VWC2L: variants seen among roughly 807,000 people sequenced by gnomAD.
VWC2L encodes von Willebrand factor C domain containing 2 like.
Under a neutral mutation model 21.6 loss-of-function variants are expected in VWC2L, and 10 were observed. That is an observed-to-expected ratio of 0.46 (90% confidence interval 0.29 to 0.78). VWC2L has a LOEUF of 0.78. Ranked by LOEUF, VWC2L falls within the 30% of genes least tolerant of loss-of-function variation. VWC2L has a pLI of 0.10. For synonymous variants in VWC2L, 96 were observed against 94.3 expected, an observed-to-expected ratio of 1.02 and a Z score of -0.10; for missense variants, 209 against 277.1, an observed-to-expected ratio of 0.75 and a Z score of 1.74.
intron 3 of VWC2L, among the ~76,000 whole-genome samples, chr2:214,461,781 T>TGGCAGTGGCGGCAGTGGC (rs998074645): frequency 1.3e-5 from 2 of 152,068 alleles, no homozygotes; most frequent in African/African-American, 4.8e-5. Flanking sequence ...TAGGAGGTAA[T>TGGCAGTGGCGGCAGTGGC]GGCAGTGGCG....
At chr2:214,534,977 A>G (rs1006134896) in intron 3 of VWC2L, among the ~76,000 whole-genome samples, 10 of 152,200 alleles carry the variant, frequency 6.6e-5, no homozygotes, top group African/African-American at 2.2e-4. Context: ...GGACTGCCTG[A>G]CCCATTCAGT....
intron 3 of VWC2L, among the ~76,000 whole-genome samples, chr2:214,560,908 T>C (rs972795860): frequency 9.9e-5 from 15 of 152,192 alleles, no homozygotes; most frequent in African/African-American, 2.9e-4. Flanking sequence ...TTGCTCAGAA[T>C]TTCTCCTCAG....
At chr2:214,450,736 T>C (rs1484268417) in intron 3 of VWC2L, among the ~76,000 whole-genome samples, 2 of 152,048 alleles carry the variant, frequency 1.3e-5, no homozygotes, top group Admixed American at 1.3e-4. Flanking sequence ...GAGAGTGGGA[T>C]GGAAAAAGGT....
chr2:214,490,348 A>G (rs1455030026), intron 3 of VWC2L, among the ~76,000 whole-genome samples: 1 of 151,514 alleles, frequency 6.6e-6, no homozygotes, highest in Non-Finnish European at 1.5e-5. Context: ...GGTCCCAATT[A>G]CAAATTTCTA....
At chr2:214,544,567 C>T (rs1368182168) in intron 3 of VWC2L, among the ~76,000 whole-genome samples, 1 of 152,116 alleles carries the variant, frequency 6.6e-6, no homozygotes, top group Non-Finnish European at 1.5e-5. Flanking sequence ...ATGCCATCCT[C>T]ATTATAGGAT....
chr2:214,440,712 T>C (rs1702753747), intron 3 of VWC2L, among the ~76,000 whole-genome samples: 1 of 152,166 alleles, frequency 6.6e-6, no homozygotes, highest in South Asian at 2.1e-4. Flanking sequence ...CTGCAGCCAC[T>C]CATTCCATTC....
chr2:214,414,058 G>A (rs1702316567), intron 1 of VWC2L, 56 bp from the exon 2 acceptor site: 2 of 1,001,470 alleles, frequency 2.0e-6, no homozygotes, highest in East Asian at 2.7e-5. Flanking sequence ...GGGCTTAAAT[G>A]AATCTATCTT....
chr2:214,554,190 C>T (rs1689839375), intron 3 of VWC2L, among the ~76,000 whole-genome samples: 1 of 152,158 alleles, frequency 6.6e-6, no homozygotes, highest in African/African-American at 2.4e-5. Context: ...TCAGTTAAGT[C>T]CCCTGTACAT....
intron 3 of VWC2L, among the ~76,000 whole-genome samples, chr2:214,468,392 C>A (rs1703256604): frequency 6.6e-6 from 1 of 152,208 alleles, no homozygotes; most frequent in Admixed American, 6.5e-5. Flanking sequence ...GTTCCAAATA[C>A]CTAGTAAATT....
intron 3 of VWC2L, among the ~76,000 whole-genome samples, chr2:214,492,894 G>T (rs933383027): frequency 2.0e-5 from 3 of 152,152 alleles, no homozygotes; most frequent in African/African-American, 7.2e-5. Context: ...ATGTGAGTTT[G>T]CTGGGGCTTT....
chr2:214,521,234 G>GATAAATAAATAA (rs72394017), intron 3 of VWC2L, among the ~76,000 whole-genome samples: 2 of 140,526 alleles, frequency 1.4e-5, no homozygotes, highest in African/African-American at 5.3e-5. Context: ...CCATCTCAAA[G>GATAAATAAATAA]ATAAATAAAT....
intron 3 of VWC2L, among the ~76,000 whole-genome samples, chr2:214,553,740 C>G (rs1244077468): frequency 2.0e-5 from 3 of 152,140 alleles, no homozygotes; most frequent in Non-Finnish European, 4.4e-5. Context: ...TGAGGCATGT[C>G]TAGACTCCCC....
intron 3 of VWC2L, among the ~76,000 whole-genome samples, chr2:214,441,555 T>C (rs559644321): frequency 3.9e-5 from 6 of 152,198 alleles, no homozygotes; most frequent in South Asian, 4.1e-4. Context: ...GAAAATGTTA[T>C]AAACTTTTTA....
At chr2:214,436,837 C>A (rs1702685979) in intron 3 of VWC2L, 79 bp downstream of exon 3, 13 of 1,527,690 alleles carry the variant, frequency 8.5e-6, no homozygotes, top group Non-Finnish European at 1.2e-5. Context: ...CCATTCAATG[C>A]AAGACCCCTC....
chr2:214,474,889 C>A (rs1248159922), intron 3 of VWC2L, among the ~76,000 whole-genome samples: 1 of 152,154 alleles, frequency 6.6e-6, no homozygotes, highest in Non-Finnish European at 1.5e-5. Flanking sequence ...CTTCTCCCAG[C>A]TTCCCAGTCT....
At chr2:214,559,240 C>T (rs1404564127) in intron 3 of VWC2L, among the ~76,000 whole-genome samples, 1 of 152,044 alleles carries the variant, frequency 6.6e-6, no homozygotes, top group South Asian at 2.1e-4. Flanking sequence ...TGAAAAAATG[C>T]TCATCATCAC....
intron 2 of VWC2L, among the ~76,000 whole-genome samples, chr2:214,433,183 T>TATATATATATATATATATA (rs1278271015): frequency 8.8e-6 from 1 of 114,076 alleles, no homozygotes; most frequent in African/African-American, 3.1e-5. Context: ...TATATATATA[T>TATATATATATATATATATA]TATATATAAA....
intron 3 of VWC2L, among the ~76,000 whole-genome samples, chr2:214,458,488 T>C (rs1485419791): frequency 6.6e-6 from 1 of 152,116 alleles, no homozygotes; most frequent in Non-Finnish European, 1.5e-5. Flanking sequence ...TTTTGTTTGT[T>C]CTTGCTTTTC....
intron 3 of VWC2L, among the ~76,000 whole-genome samples, chr2:214,550,572 T>C (rs1440171638): frequency 6.6e-6 from 1 of 152,190 alleles, no homozygotes. Context: ...ACATTACCCA[T>C]CACCCCATTC....
Sources: gnomAD v4.1 joint callset for allele counts (sites outside exome capture counted in the v4.1 genomes callset) on GRCh38, gnomAD v4.1.1 for gene constraint, MANE v1.5 for transcripts, NCBI Gene and HGNC (gene_info 2026-07-23, HGNC 2026-07-21) for gene names.